Variants in DCDC1 observed in about 807,000 individuals in gnomAD.
DCDC1 encodes doublecortin domain containing 1, also known as doublecortin domain-containing protein 1.
Under a neutral mutation model 178.3 loss-of-function variants are expected in DCDC1, and 200 were observed. That is an observed-to-expected ratio of 1.12 (90% CI 1.00 to 1.26). The LOEUF (loss-of-function observed/expected upper bound fraction) is 1.26. Ranked by LOEUF, DCDC1 falls within the 50% of genes most tolerant of loss-of-function variation. The pLI is 0.00. For synonymous variants in DCDC1, 690 were observed against 604.8 expected, an observed-to-expected ratio of 1.14 and a Z score of -2.07; for missense variants, 1,983 against 1,749.2, an observed-to-expected ratio of 1.13 and a Z score of -2.38.
chr11:30,878,702 T>G lies in DCDC1; in HGVS notation c.5243A>C (p.Gln1748Pro), dbSNP rs766168247. ...HGFKTPKELK[Q>P]LMEIRANYAR... ...ATAATTTGCTCTGATCTCCATCAGT[T>G]GTTTTAACTCTGTTAAAAAAAAAAA... The change falls in exon 38 of 39, where the codon CAA becomes CCA. Residue 1748 changes from glutamine (Q) to proline (P), a missense_variant. Coordinates refer to ENST00000684477, the MANE Select transcript of DCDC1 (RefSeq NM_001387274.1). The G allele has an allele frequency of 6.4e-6, 10 of 1,568,976 alleles. No individual in the cohort carries two copies. Among genetic ancestry groups the G allele is most frequent in the Non-Finnish European group, 8.6e-6 (10 of 1,163,788 alleles).
chr11:30,924,188 CCA>C (rs1946448456), intron 23 of DCDC1, among the ~76,000 whole-genome samples: 1 of 152,046 alleles, frequency 6.6e-6, no homozygotes, highest in South Asian at 2.1e-4. Flanking sequence ...TCTAAAAAAC[CCA>C]CAGTGAATAG....
chr11:31,308,966 T>G (rs1046762190), intron 3 of DCDC1, among the ~76,000 whole-genome samples: 2 of 151,786 alleles, frequency 1.3e-5, no homozygotes, highest in South Asian at 4.2e-4. Flanking sequence ...ATATGTTCAG[T>G]GTTGAAAGCT....
At chr11:31,115,739 A>G (rs536671919) in intron 11 of DCDC1, among the ~76,000 whole-genome samples, 80 of 152,202 alleles carry the variant, frequency 5.3e-4, no homozygotes, top group Non-Finnish European at 9.7e-4. Flanking sequence ...CTGAGGACCA[A>G]TGTTGGTGAG....
At chr11:31,027,968 GA>G (rs1403523483) in intron 20 of DCDC1, among the ~76,000 whole-genome samples, 1 of 151,632 alleles carries the variant, frequency 6.6e-6, no homozygotes, top group Non-Finnish European at 1.5e-5. Flanking sequence ...CAGTCTTAAA[GA>G]AAATTGTACC....
chr11:31,304,480 A>G (rs1948327314), intron 6 of DCDC1, among the ~76,000 whole-genome samples: 1 of 152,162 alleles, frequency 6.6e-6, no homozygotes, highest in Admixed American at 6.5e-5. Flanking sequence ...ACACTATCAC[A>G]TAGGTAATTT....
chr11:31,185,831 T>C (rs930681313), intron 9 of DCDC1, among the ~76,000 whole-genome samples: 12 of 152,300 alleles, frequency 7.9e-5, no homozygotes, highest in African/African-American at 2.2e-4. Context: ...GAACTTTAAG[T>C]AGATAATCTG....
intron 9 of DCDC1, among the ~76,000 whole-genome samples, chr11:31,184,623 T>A (rs1365556473): frequency 6.6e-6 from 1 of 152,144 alleles, no homozygotes; most frequent in Non-Finnish European, 1.5e-5. Flanking sequence ...ATGAACACAC[T>A]TCCCAAAAGA....
rs1163692199 is a variant in DCDC1 at position 31,199,761 on chromosome 11, C to T, written c.1221+41689G>A. On this transcript the variant is annotated intron_variant, in intron 9 of 38. Coordinates refer to ENST00000684477, the MANE Select transcript of DCDC1 (RefSeq NM_001387274.1). The stretch of plus-strand genomic sequence containing the variant: ...GTATCAGAATTCACATACTTTGTGT[C>T]TGATACCAACACTACTCTCAGGTTT... Among the ~76,000 whole-genome samples the T allele has an allele frequency of 2.0e-5, 3 of 152,206 alleles. No homozygotes were observed. The East Asian group carries it at 5.8e-4, about 29-fold the overall frequency.
intron 9 of DCDC1, among the ~76,000 whole-genome samples, chr11:31,170,123 A>G (rs181370693): frequency 6.6e-6 from 1 of 152,330 alleles, no homozygotes; most frequent in East Asian, 1.9e-4. Context: ...AGAATGCACT[A>G]AGTTTGGCTA....
intron 8 of DCDC1, among the ~76,000 whole-genome samples, chr11:31,250,012 T>C (rs1943867746): frequency 6.6e-6 from 1 of 151,980 alleles, no homozygotes. Flanking sequence ...TCAAGCTCCC[T>C]ACATGGAGCT....
At chr11:31,288,275 G>C (rs1946982053) in intron 7 of DCDC1, among the ~76,000 whole-genome samples, 1 of 151,866 alleles carries the variant, frequency 6.6e-6, no homozygotes, top group Non-Finnish European at 1.5e-5. Context: ...AACCATGGAT[G>C]TGTATGTTTA....
At chr11:31,185,990 T>C (rs562192390) in intron 9 of DCDC1, among the ~76,000 whole-genome samples, 1 of 152,340 alleles carries the variant, frequency 6.6e-6, no homozygotes, top group African/African-American at 2.4e-5. Flanking sequence ...CTCGTTTAGA[T>C]AATGCTCTCA....
intron 9 of DCDC1, among the ~76,000 whole-genome samples, chr11:31,193,252 T>G (rs1417142072): frequency 1.3e-5 from 2 of 152,016 alleles, no homozygotes; most frequent in Non-Finnish European, 2.9e-5. Context: ...ATCTATATCT[T>G]TATATATGCT....
At chr11:31,250,439 T>C (rs1421696804) in intron 8 of DCDC1, among the ~76,000 whole-genome samples, 2 of 134,166 alleles carry the variant, frequency 1.5e-5, no homozygotes, top group South Asian at 2.5e-4. Flanking sequence ...TGTATATATA[T>C]ATATATCCCT....
chr11:31,118,092 C>T (rs1386543496), intron 11 of DCDC1, among the ~76,000 whole-genome samples: 1 of 151,900 alleles, frequency 6.6e-6, no homozygotes, highest in Non-Finnish European at 1.5e-5. Context: ...TAGTCATGTG[C>T]CCCTCAAATT....
intron 20 of DCDC1, among the ~76,000 whole-genome samples, chr11:30,976,273 C>T (rs998218555): frequency 6.6e-6 from 1 of 151,900 alleles, no homozygotes; most frequent in Admixed American, 6.6e-5. Flanking sequence ...TTTGTTCTGT[C>T]TATGGATATT....
At chr11:31,015,735 T>C (rs750291848) in intron 20 of DCDC1, among the ~76,000 whole-genome samples, 5 of 152,148 alleles carry the variant, frequency 3.3e-5, no homozygotes, top group Non-Finnish European at 5.9e-5. Context: ...TCAGTAGAAA[T>C]AGTTTTCTCT....
chr11:31,110,057 C>T (rs1959102690), intron 12 of DCDC1, among the ~76,000 whole-genome samples: 1 of 152,062 alleles, frequency 6.6e-6, no homozygotes. Context: ...GGTTAAGAAA[C>T]CATTAGGTAT....
At chr11:31,302,667 C>T (rs936016944) in intron 6 of DCDC1, among the ~76,000 whole-genome samples, 4 of 152,114 alleles carry the variant, frequency 2.6e-5, no homozygotes, top group Non-Finnish European at 4.4e-5. Flanking sequence ...GCCTGACCTC[C>T]GTATGAAAGC....
Sources: gnomAD v4.1 joint callset for allele counts (sites outside exome capture counted in the v4.1 genomes callset) on GRCh38, gnomAD v4.1.1 for gene constraint, MANE v1.5 for transcripts, NCBI Gene and HGNC (gene_info 2026-07-23, HGNC 2026-07-21) for gene names.